ATP2B4: variants seen among roughly 807,000 people sequenced by gnomAD.
ATP2B4 encodes the protein ATPase plasma membrane Ca2+ transporting 4.
A neutral mutation model predicts 110.3 loss-of-function variants in ATP2B4; 39 were observed. The observed-to-expected ratio is 0.35, with a 90% CI of 0.27 to 0.46. The LOEUF (loss-of-function observed/expected upper bound fraction) is 0.46. Ranked by LOEUF, ATP2B4 falls within the 20% of genes least tolerant of loss-of-function variation. ATP2B4 has a pLI of 1.00. For synonymous variants in ATP2B4, 538 were observed against 571.7 expected (o/e 0.94, Z 0.84); for missense variants, 1,135 against 1,530.9 (o/e 0.74, Z 4.32).
At chr1:203,721,605 T>G (rs1388168355) in intron 17 of ATP2B4, among the ~76,000 whole-genome samples, 195 bp downstream of exon 17, 1 of 152,020 alleles carries the variant, frequency 6.6e-6, no homozygotes, top group Admixed American at 6.6e-5. Context: ...CAGTGTGTAC[T>G]GTGTGTACTC....
At chr1:203,716,007 T>C (rs1424813234) in intron 15 of ATP2B4, among the ~76,000 whole-genome samples, 2 of 144,440 alleles carry the variant, frequency 1.4e-5, no homozygotes. Flanking sequence ...TTAATTATGT[T>C]AAATCTGTTA....
intron 20 of ATP2B4, among the ~76,000 whole-genome samples, chr1:203,732,289 C>T (rs1666752621): frequency 6.6e-6 from 1 of 152,196 alleles, no homozygotes; most frequent in Admixed American, 6.5e-5. Context: ...TCAACCACCA[C>T]CAACCAAAAC....
At chr1:203,725,330 G>T (rs1666477057) in intron 19 of ATP2B4, among the ~76,000 whole-genome samples, 2 of 151,288 alleles carry the variant, frequency 1.3e-5, no homozygotes, top group Admixed American at 6.6e-5. Flanking sequence ...TGTATTTTTA[G>T]TAGAGACAGG....
chr1:203,647,492 G>A (rs1663837419), intron 1 of ATP2B4, among the ~76,000 whole-genome samples: 1 of 152,118 alleles, frequency 6.6e-6, no homozygotes, highest in Non-Finnish European at 1.5e-5. Flanking sequence ...GGACACAGTG[G>A]CTCATGTCTA....
At chr1:203,714,124 G>A (rs1339776657) in intron 14 of ATP2B4, 47 bp from the exon 15 acceptor site, 1 of 1,559,000 alleles carries the variant, frequency 6.4e-7, no homozygotes, top group African/African-American at 1.4e-5. Flanking sequence ...GAACTGAAGG[G>A]TGGGGGAGAC....
At chr1:203,684,578 G>A (rs562962434) in intron 2 of ATP2B4, among the ~76,000 whole-genome samples, 21 of 151,588 alleles carry the variant, frequency 1.4e-4, no homozygotes, top group African/African-American at 4.8e-4. Context: ...GGCTGGTCTC[G>A]AACTCCTGAC....
chr1:203,642,829 C>T (rs1663672290), intron 1 of ATP2B4, among the ~76,000 whole-genome samples: 1 of 152,186 alleles, frequency 6.6e-6, no homozygotes. Context: ...TTTAGGCTCT[C>T]AGACTCAATT....
intron 2 of ATP2B4, among the ~76,000 whole-genome samples, chr1:203,696,708 A>G (rs1665542092): frequency 6.6e-6 from 1 of 152,166 alleles, no homozygotes. Flanking sequence ...AATTCTGCCT[A>G]TCTCTTGTCC....
At chr1:203,649,168 T>C (rs956799598) in intron 1 of ATP2B4, among the ~76,000 whole-genome samples, 1 of 152,154 alleles carries the variant, frequency 6.6e-6, no homozygotes, top group Non-Finnish European at 1.5e-5. Context: ...CCAGCTCCTA[T>C]AAAATTTGAG....
chr1:203,708,081 A>C lies in ATP2B4; in HGVS notation c.1534A>C (p.Ser512Arg). Reference protein sequence around the residue: ...DLIVNGISINSAYTSKILPPE... With the variant: ...DLIVNGISINRAYTSKILPPE... Reference sequence around the variant, plus strand: ...CATTGTCAATGGCATTTCTATCAACAGTGCTTATACCTCCAAGATTCTGGT... The same window carrying C: ...CATTGTCAATGGCATTTCTATCAACCGTGCTTATACCTCCAAGATTCTGGT... Residue 512 changes from serine (S) to arginine (R), a missense_variant, in exon 10 of 21, where the codon AGT (serine) becomes CGT (arginine). Ser to Arg is a moderately radical substitution (Grantham distance 110). Transcript: ENST00000357681. 6.2e-7 allele frequency: 1 copy of C among 1,614,218 alleles called. No individual in the cohort carries two copies. The highest frequency in any genetic ancestry group is 8.5e-7 in the Non-Finnish European group (1 of 1,180,044).
Position 203,722,686 on chromosome 1 carries a change from C to G in ATP2B4, c.3021C>G (p.Cys1007Trp), listed in dbSNP as rs1384503049. 2.5e-6 allele frequency: 4 copies of G among 1,613,918 alleles called. No individual in the cohort carries two copies. The highest frequency in any genetic ancestry group is 3.4e-6 in the Non-Finnish European group (4 of 1,179,824). ...CTGTAGTCTTGGGCACATTCATCTG[C>G]CAGGTGAGATTCTATCTGCAGTTGG... is the stretch of plus-strand genomic sequence containing the variant. ...FCSVVLGTFI[C>W]QIFIVEFGGK... Residue 1007 changes from cysteine to tryptophan, a missense_variant, in exon 18 of 21, where the codon TGC (cysteine) becomes TGG (tryptophan). By Grantham distance (215) the Cys-to-Trp change is radical. Around this residue, in one of 9 missense-constraint regions of ATP2B4, gnomAD observed 155 missense variants for 186.2 expected, o/e 0.83. Transcript: ENST00000357681.
At chr1:203,693,244 A>G (rs984695553) in intron 2 of ATP2B4, among the ~76,000 whole-genome samples, 1 of 152,202 alleles carries the variant, frequency 6.6e-6, no homozygotes, top group Non-Finnish European at 1.5e-5. Context: ...TAGGGCAGAA[A>G]GAATTGGAAT....
intron 1 of ATP2B4, among the ~76,000 whole-genome samples, chr1:203,628,798 A>G (rs538742510): frequency 6.6e-6 from 1 of 151,818 alleles, no homozygotes; most frequent in Non-Finnish European, 1.5e-5. Flanking sequence ...GGGCTGGGCC[A>G]GGAGTGTTTA....
intron 2 of ATP2B4, among the ~76,000 whole-genome samples, chr1:203,683,666 C>CTTTTTTTTTTTTTTTTTT (rs11326748): frequency 4.8e-4 from 37 of 77,690 alleles, no homozygotes; most frequent in Admixed American, 7.8e-4. Context: ...TCTTTTGTTT[C>CTTTTTTTTTTTTTTTTTT]TTTTTTTTTT....
At chr1:203,660,988 T>C (rs1008197463) in intron 1 of ATP2B4, among the ~76,000 whole-genome samples, 1 of 151,644 alleles carries the variant, frequency 6.6e-6, no homozygotes, top group South Asian at 2.1e-4. Flanking sequence ...GGTGGCCCTC[T>C]AGTTCCAGCT....
At chr1:203,700,666 CCTACTGTG>C in intron 5 of ATP2B4, 124 bp from the exon 6 acceptor site, 1 of 1,287,704 alleles carries the variant, frequency 7.8e-7, no homozygotes, top group African/African-American at 1.5e-5. Context: ...TTGACCTTTT[CCTACTGTG>C]CTAAGCACAT....
chr1:203,715,607 T>A lies in ATP2B4; in HGVS notation c.2406+1330T>A, dbSNP rs1018988344. ...GGATGGTGTGGGGCAAAAAAAAAAA[T>A]TTCATTATATGCCTCTAAATAATAA... On this transcript the variant is annotated intron_variant, in intron 15 of 20. Transcript: ENST00000357681. Among the ~76,000 whole-genome samples the A allele has an allele frequency of 5.6e-5, 8 of 143,342 alleles. 2 individuals carry two copies. The East Asian group carries it at 6.3e-4, about 11-fold the overall frequency. 94.0% of individuals were successfully genotyped at this position (143,342 alleles called of 152,430 possible). A position where few individuals can be genotyped will look rare whatever the true frequency, so the allele number is the denominator to read the frequency against.
chr1:203,731,171 T>A (rs555912872), intron 20 of ATP2B4, among the ~76,000 whole-genome samples: 1 of 152,138 alleles, frequency 6.6e-6, no homozygotes, highest in Non-Finnish European at 1.5e-5. Context: ...CTCCTGCAGG[T>A]TCAAGCTCCT....
intron 20 of ATP2B4, among the ~76,000 whole-genome samples, chr1:203,734,429 C>T (rs185134503): frequency 1.1e-4 from 17 of 152,278 alleles, no homozygotes; most frequent in Non-Finnish European, 2.4e-4. Context: ...TTAATCTTGG[C>T]TGGGTGCTGT....
Sources: allele counts gnomAD v4.1 joint callset (sites outside exome capture counted in the v4.1 genomes callset), GRCh38; gene constraint gnomAD v4.1.1; regional missense constraint gnomAD v4.1.1; transcripts MANE v1.5; gene names NCBI Gene and HGNC (gene_info 2026-07-23, HGNC 2026-07-21).